Variants in PARD3B observed in about 807,000 individuals in gnomAD.
The protein encoded by PARD3B is partitioning defective 3 homolog B.
A neutral mutation model predicts 130.2 loss-of-function variants in PARD3B; 103 were observed. The observed-to-expected ratio is 0.79, with a 90% CI of 0.67 to 0.93. The LOEUF is 0.93. Among genes scored for constraint, PARD3B ranks in the 40% least tolerant of loss-of-function variants. The probability of loss-of-function intolerance (pLI) is 0.00; values close to 1 mark genes in which losing one functional copy is unlikely to be tolerated. For missense variants in PARD3B, 1,609 were observed against 1,499.2 expected (o/e 1.07, Z -1.21); for synonymous variants, 583 against 553.2 (o/e 1.05, Z -0.76).
At chr2:204,559,053 A>C (rs933150723) in intron 1 of PARD3B, among the ~76,000 whole-genome samples, 1 of 152,248 alleles carries the variant, frequency 6.6e-6, no homozygotes, top group East Asian at 1.9e-4. Context: ...AAGATGGATT[A>C]AAGACTTAAA....
At chr2:205,075,943 G>A (rs1701031604) in intron 4 of PARD3B, among the ~76,000 whole-genome samples, 1 of 152,140 alleles carries the variant, frequency 6.6e-6, no homozygotes, top group East Asian at 1.9e-4. Flanking sequence ...ACCACTGCTT[G>A]TAATTATTTA....
chr2:205,439,189 GT>G (rs1002905423), intron 19 of PARD3B, among the ~76,000 whole-genome samples: 3 of 152,014 alleles, frequency 2.0e-5, no homozygotes, highest in Non-Finnish European at 4.4e-5. Flanking sequence ...GGTTTCAGTT[GT>G]TTTTTTAACT....
chr2:205,194,284 T>G (rs2036553555), intron 15 of PARD3B, among the ~76,000 whole-genome samples: 1 of 152,196 alleles, frequency 6.6e-6, no homozygotes, highest in African/African-American at 2.4e-5. Flanking sequence ...AGAAAAATGT[T>G]CAGTCATGAT....
At chr2:204,633,186 G>A (rs942155052) in intron 1 of PARD3B, among the ~76,000 whole-genome samples, 1 of 152,138 alleles carries the variant, frequency 6.6e-6, no homozygotes, top group Admixed American at 6.5e-5. Flanking sequence ...TTTTAATAAA[G>A]AGGGTGTATT....
chr2:204,786,504 C>A (rs1474494330), intron 2 of PARD3B, among the ~76,000 whole-genome samples: 1 of 151,360 alleles, frequency 6.6e-6, no homozygotes, highest in African/African-American at 2.4e-5. Flanking sequence ...CACACAGTGG[C>A]CTGAATTGAC....
At chr2:205,204,409 C>T (rs2037167997) in intron 15 of PARD3B, among the ~76,000 whole-genome samples, 1 of 152,132 alleles carries the variant, frequency 6.6e-6, no homozygotes. Context: ...TGCCTGTTCA[C>T]TCTGATGATA....
chr2:205,407,768 C>T lies in PARD3B; in HGVS notation c.2741+6645C>T, dbSNP rs143934962. Among the ~76,000 whole-genome samples the T allele has an allele frequency of 2.5e-3, 377 of 152,040 alleles. 2 individuals are homozygous for T. The highest frequency in any genetic ancestry group is 8.2e-3 in the African/African-American group (340 of 41,480). ...CCATTGAAGTCCCATATTACTGACC[C>T]TGAAATAATACTTCAGTAAATGAAG... On this transcript the variant is annotated intron_variant, in intron 19 of 22. Coordinates refer to ENST00000406610, the MANE Select transcript of PARD3B (RefSeq NM_001302769.2). This position sits in a 1 kb window ranked among gnomAD's most constrained non-coding sequence, Gnocchi z 4.1.
In PARD3B at chr2:205,615,752, A is replaced by T. The variant is rs372978414; in HGVS notation, c.3557A>T (p.Asp1186Val). ...GRPGPRGGSP[D>V]QYPYRTQDSR... is the part of the protein sequence containing the mutation. ...CCAGGGCCCCGTGGGGGCAGCCCAGACCAGTACCCTTACCGAACCCAGGAT... is the reference window on the plus strand; with the variant it reads ...CCAGGGCCCCGTGGGGGCAGCCCAGTCCAGTACCCTTACCGAACCCAGGAT... The change falls in exon 23 of 23, where the codon GAC becomes GTC. Residue 1186 changes from aspartate (D) to valine (V), a missense_variant. Asp to Val is a radical substitution (Grantham distance 152). Transcript: ENST00000406610. The T allele has an allele frequency of 2.5e-5, 41 of 1,613,918 alleles. No individual in the cohort carries two copies. The highest frequency in any genetic ancestry group is 3.4e-5 in the Non-Finnish European group (40 of 1,179,990).
intron 18 of PARD3B, among the ~76,000 whole-genome samples, chr2:205,332,698 G>A (rs2043181475): frequency 1.3e-5 from 2 of 152,048 alleles, no homozygotes; most frequent in African/African-American, 4.8e-5. Context: ...CCTTCATCTG[G>A]ATTAAATGCA....
chr2:205,302,027 A>C, intron 18 of PARD3B: 1 of 560,258 alleles, frequency 1.8e-6, no homozygotes, highest in Non-Finnish European at 3.2e-6. Context: ...AGCCTGGGCA[A>C]GGTAGGGAGA....
chr2:205,611,691 A>G (rs13018627), intron 22 of PARD3B, among the ~76,000 whole-genome samples: 62,093 of 152,070 alleles, frequency 0.41, 15,315 homozygotes, highest in East Asian at 0.83. Flanking sequence ...ATTTCAAAAT[A>G]TAGGTATTTT....
chr2:204,750,639 C>T (rs143144058), intron 2 of PARD3B, among the ~76,000 whole-genome samples: 2,656 of 151,526 alleles, frequency 0.018, 39 homozygotes, highest in South Asian at 0.062. Context: ...CATACACACA[C>T]ACATACATAC....
At chr2:205,224,370 CAA>C (rs1231030778) in intron 15 of PARD3B, among the ~76,000 whole-genome samples, 5 of 55,994 alleles carry the variant, frequency 8.9e-5, no homozygotes, top group African/African-American at 1.7e-4. Context: ...GACTCCGTCT[CAA>C]AAAAAAAAAA....
Position 205,121,586 on chromosome 2 carries a change from T to C in PARD3B, c.807-5T>C. 1 of 1,609,888 alleles carries C rather than the reference T, an allele frequency of 6.2e-7. No homozygotes were observed. The highest frequency in any genetic ancestry group is 8.5e-7 in the Non-Finnish European group (1 of 1,176,742). On this transcript the variant is annotated splice_polypyrimidine_tract_variant and splice_region_variant and intron_variant, in intron 7 of 22. Transcript: ENST00000406610. The surrounding 1 kb of genome is among the most constrained non-coding windows in gnomAD (Gnocchi z 5.0). ...TCATCATACATTTATCAACTTTCTT[T>C]CCAGGGCTCAAGATGTCTTCCGCCA... is the stretch of plus-strand genomic sequence containing the variant.
intron 1 of PARD3B, among the ~76,000 whole-genome samples, chr2:204,552,880 C>T (rs2030566375): frequency 6.6e-6 from 1 of 152,090 alleles, no homozygotes; most frequent in African/African-American, 2.4e-5. Flanking sequence ...TATACTAGTA[C>T]CGTGCTGTTT....
chr2:205,163,527 T>C (rs1179901817), intron 11 of PARD3B, among the ~76,000 whole-genome samples: 1 of 152,250 alleles, frequency 6.6e-6, no homozygotes, highest in Admixed American at 6.5e-5. Context: ...TAATCTGCAC[T>C]GTTTAGTAAT....
intron 1 of PARD3B, among the ~76,000 whole-genome samples, chr2:204,616,098 A>G (rs1423422025): frequency 1.3e-5 from 2 of 152,214 alleles, no homozygotes; most frequent in Non-Finnish European, 2.9e-5. Flanking sequence ...AAGGCACAGT[A>G]CATTAAAGAA....
At chr2:204,912,608 C>A (rs569584725) in intron 2 of PARD3B, among the ~76,000 whole-genome samples, 1 of 152,120 alleles carries the variant, frequency 6.6e-6, no homozygotes, top group South Asian at 2.1e-4. Context: ...TCATTAAGAA[C>A]AATTGAGAAT....
chr2:205,093,485 A>T (rs909767380), intron 4 of PARD3B, among the ~76,000 whole-genome samples: 2 of 152,094 alleles, frequency 1.3e-5, no homozygotes, highest in African/African-American at 2.4e-5. Context: ...GTCCATGCAG[A>T]GTGTTCAGGG....
Sources: allele counts gnomAD v4.1 joint callset (sites outside exome capture counted in the v4.1 genomes callset), GRCh38; gene constraint gnomAD v4.1.1; non-coding constraint Gnocchi (gnomAD v3.1); transcripts MANE v1.5; gene names NCBI Gene and HGNC (gene_info 2026-07-23, HGNC 2026-07-21).